The following RAPGEF6 variants were observed in gnomAD, a reference collection of about 807,000 sequenced individuals.
The protein encoded by RAPGEF6 is Rap guanine nucleotide exchange factor 6, also known as PDZ domain containing guanine nucleotide exchange factor (GEF) 2.
In RAPGEF6, 56 loss-of-function variants were observed where a neutral mutation model predicts 171.4. The observed-to-expected ratio is 0.33, with a 90% CI of 0.26 to 0.41. The LOEUF is 0.41. Among genes scored for constraint, RAPGEF6 ranks in the 10% least tolerant of loss-of-function variants. RAPGEF6 has a pLI of 1.00. For missense variants in RAPGEF6, 1,674 were observed against 1,921.4 expected (o/e 0.87, Z 2.41); for synonymous variants, 692 against 650.1 (o/e 1.06, Z -0.98).
chr5:131,570,807 G>A (rs193244572), intron 4 of RAPGEF6, among the ~76,000 whole-genome samples: 163 of 152,250 alleles, frequency 1.1e-3, no homozygotes, highest in Admixed American at 3.1e-3. Flanking sequence ...GTTGTCTGAT[G>A]AAGAAGGTGT....
At chr5:131,456,156 G>C in intron 19 of RAPGEF6, 144 bp from the exon 20 acceptor site, 1 of 596,206 alleles carries the variant, frequency 1.7e-6, no homozygotes. Flanking sequence ...GAGAAAAACT[G>C]AGAAAAAAAT....
At chr5:131,439,518 A>G in intron 24 of RAPGEF6, 63 bp downstream of exon 24, 1 of 1,506,178 alleles carries the variant, frequency 6.6e-7, no homozygotes, top group Non-Finnish European at 8.9e-7. Flanking sequence ...ATTGAAAAGC[A>G]AAATATGTGC....
chr5:131,600,083 ATTT>A (rs1323408874), intron 3 of RAPGEF6, among the ~76,000 whole-genome samples: 5 of 152,206 alleles, frequency 3.3e-5, no homozygotes, highest in African/African-American at 1.2e-4. Flanking sequence ...CTGTATGAAG[ATTT>A]CTTTCATTCA....
At chr5:131,575,807 A>T (rs139366743) in intron 4 of RAPGEF6, among the ~76,000 whole-genome samples, 1 of 152,258 alleles carries the variant, frequency 6.6e-6, no homozygotes, top group African/African-American at 2.4e-5. Flanking sequence ...CTTACACAGG[A>T]ATCAGGCCCA....
intron 24 of RAPGEF6, chr5:131,436,389 G>T: frequency 6.5e-7 from 1 of 1,533,634 alleles, no homozygotes; most frequent in Non-Finnish European, 8.7e-7. Context: ...CAACTGGAGG[G>T]AGAGATGCAA....
intron 17 of RAPGEF6, among the ~76,000 whole-genome samples, chr5:131,469,286 A>G (rs2189645): frequency 0.36 from 54,856 of 151,910 alleles, 11,616 homozygotes; most frequent in African/African-American, 0.59. Context: ...GAGGAGTGGA[A>G]ACTTTTATAT....
chr5:131,482,313 T>C (rs1263786706), intron 15 of RAPGEF6, among the ~76,000 whole-genome samples: 1 of 152,200 alleles, frequency 6.6e-6, no homozygotes, highest in Admixed American at 6.5e-5. Flanking sequence ...TGTACATTTA[T>C]ATATGCATTT....
At chr5:131,516,471 AT>A (rs2149902411) in intron 7 of RAPGEF6, among the ~76,000 whole-genome samples, 1 of 152,336 alleles carries the variant, frequency 6.6e-6, no homozygotes, top group African/African-American at 2.4e-5. Flanking sequence ...CGAGCTGTGC[AT>A]TAGGAAATCA....
intron 8 of RAPGEF6, 22 bp downstream of exon 8, chr5:131,510,292 T>C: frequency 6.3e-7 from 1 of 1,590,852 alleles, no homozygotes; most frequent in South Asian, 1.1e-5. Context: ...AAATTCTTAT[T>C]GTGAACACAT....
intron 1 of RAPGEF6, among the ~76,000 whole-genome samples, chr5:131,629,505 G>C (rs1443416465): frequency 1.3e-5 from 2 of 149,890 alleles, no homozygotes; most frequent in Non-Finnish European, 3.0e-5. Context: ...CTGGCTCCCA[G>C]CACTTTGGGA....
intron 6 of RAPGEF6, among the ~76,000 whole-genome samples, chr5:131,542,430 T>C (rs1245590438): frequency 6.6e-6 from 1 of 152,152 alleles, no homozygotes; most frequent in East Asian, 1.9e-4. Flanking sequence ...ACAAAGGTCA[T>C]ACAACTTGCC....
intron 23 of RAPGEF6, chr5:131,440,358 A>C (rs1021192316): frequency 7.8e-6 from 3 of 386,624 alleles, no homozygotes; most frequent in Non-Finnish European, 1.5e-5. Context: ...GTGTACCTCA[A>C]ACTTAGCAAT....
At chr5:131,453,679 A>AC (rs1186014653) in intron 20 of RAPGEF6, among the ~76,000 whole-genome samples, 21 of 152,312 alleles carry the variant, frequency 1.4e-4, no homozygotes, top group African/African-American at 4.6e-4. Flanking sequence ...CTTGTCTATA[A>AC]CATAGCATGA....
At chr5:131,622,299 T>A (rs3776001) in intron 1 of RAPGEF6, among the ~76,000 whole-genome samples, 95,948 of 152,066 alleles carry the variant, frequency 0.63, 32,297 homozygotes, top group Non-Finnish European at 0.77. Flanking sequence ...ATTGAGGAAT[T>A]TCCCTCAGAA....
chr5:131,487,317 G>A (rs1755973157), intron 15 of RAPGEF6, among the ~76,000 whole-genome samples: 1 of 152,196 alleles, frequency 6.6e-6, no homozygotes, highest in Non-Finnish European at 1.5e-5. Context: ...GCTTCCAGAG[G>A]GTGGAAGGGG....
At chr5:131,466,118 T>G (rs1754323309) in intron 17 of RAPGEF6, among the ~76,000 whole-genome samples, 1 of 148,172 alleles carries the variant, frequency 6.7e-6, no homozygotes, top group African/African-American at 2.5e-5. Context: ...AAAAAAAGAC[T>G]TGCTCTGAGG....
chr5:131,522,577 G>T (rs1455793208), intron 6 of RAPGEF6, among the ~76,000 whole-genome samples: 1 of 152,064 alleles, frequency 6.6e-6, no homozygotes, highest in Non-Finnish European at 1.5e-5. Flanking sequence ...AGTACATCAC[G>T]AACTTCCCCT....
At chr5:131,488,706 C>T (rs545355331) in intron 15 of RAPGEF6, among the ~76,000 whole-genome samples, 1 of 152,254 alleles carries the variant, frequency 6.6e-6, no homozygotes, top group South Asian at 2.1e-4. Flanking sequence ...AAAAATAAAA[C>T]TCACACTTCC....
Position 131,453,122 on chromosome 5 carries a change from G to A in RAPGEF6, c.3132C>T (p.Ser1044=), listed in dbSNP as rs1336575194. Residue 1044 remains serine, a synonymous_variant, in exon 21 of 28, where the codon TCC becomes TCT. Coordinates refer to ENST00000509018, the MANE Select transcript of RAPGEF6 (RefSeq NM_016340.6). The part of the protein sequence containing the change: ...LVNFEKLRMI[S]KEIRQVVRMT... ...TTCGAACAACTTGGCGGATTTCCTTGGAAATCATTCTTAACTTCTCAAAGT... is the reference window on the plus strand; with the variant it reads ...TTCGAACAACTTGGCGGATTTCCTTAGAAATCATTCTTAACTTCTCAAAGT... 4.3e-6 allele frequency: 7 copies of A among 1,613,778 alleles called. No homozygotes were observed. Among genetic ancestry groups the A allele is most frequent in the Admixed American group, 1.7e-5 (1 of 59,988 alleles).
Sources: gnomAD v4.1 joint callset for allele counts (sites outside exome capture counted in the v4.1 genomes callset) on GRCh38, gnomAD v4.1.1 for gene constraint, MANE v1.5 for transcripts, NCBI Gene and HGNC (gene_info 2026-07-23, HGNC 2026-07-21) for gene names.